TRARG1: variants seen among roughly 807,000 people sequenced by gnomAD.
The protein encoded by TRARG1 is trafficking regulator of GLUT4 1.
Under a neutral mutation model 13.3 loss-of-function variants are expected in TRARG1, and 16 were observed. That is an observed-to-expected ratio of 1.20 (90% CI 0.81 to 1.83). The LOEUF is 1.83. TRARG1 is among the 40% of genes most tolerant of loss of function. The pLI, the probability that TRARG1 is intolerant of heterozygous loss-of-function variation, is 0.00. For missense variants in TRARG1, 250 were observed against 237.4 expected (o/e 1.05, Z -0.35); for synonymous variants, 113 against 106.2 (o/e 1.06, Z -0.39).
At position 1,282,224 on chromosome 17, in the gene TRARG1, G is replaced by GCA. The variant is rs1567928189; in HGVS notation, c.387+1837_387+1838insAC. Among the ~76,000 whole-genome samples the GCA allele has an allele frequency of 2.0e-3, 235 of 115,452 alleles. 9 individuals are homozygous for GCA. The highest frequency in any genetic ancestry group is 6.9e-3 in the East Asian group (24 of 3,470). The allele number at this position is 115,452 out of a possible 152,430, so 75.7% of individuals were successfully genotyped here. The stretch of plus-strand genomic sequence containing the variant: ...CGTGCGTATATGTACGTATACACGT[G>GCA]CGTATATGTACGTATATGCACGTAT... On this transcript the variant is annotated intron_variant, in intron 1 of 2. Transcript: ENST00000333813.
intron 2 of TRARG1, 107 bp from the exon 3 acceptor site, chr17:1,298,144 T>C (rs2072125898): frequency 2.1e-6 from 3 of 1,399,374 alleles, no homozygotes; most frequent in Admixed American, 1.8e-5. Flanking sequence ...CCCTTATCCC[T>C]ATTACCACTT....
intron 1 of TRARG1, among the ~76,000 whole-genome samples, chr17:1,290,309 G>C (rs1192965744): frequency 6.6e-6 from 1 of 152,046 alleles, no homozygotes. Context: ...TTGTTGTTTT[G>C]TTTTGAGATG....
chr17:1,286,375 GT>G (rs2072020068), intron 1 of TRARG1, among the ~76,000 whole-genome samples: 1 of 136,066 alleles, frequency 7.3e-6, no homozygotes, highest in Admixed American at 8.0e-5. Context: ...GGCCTGTGAG[GT>G]GTTATCGGCC....
At position 1,293,440 on chromosome 17, in the gene TRARG1, AGTTTGATGATGTCGTGGGTTGG is replaced by A. The variant is rs1009164755; in HGVS notation, c.388-2029_388-2008del. Among the ~76,000 whole-genome samples the A allele has an allele frequency of 1.5e-4, 23 of 151,638 alleles. 1 individual carries two copies. Among genetic ancestry groups the A allele is most frequent in the Admixed American group, 2.0e-4 (3 of 15,216 alleles). On this transcript the variant is annotated intron_variant, in intron 1 of 2. Coordinates refer to ENST00000333813, the MANE Select transcript of TRARG1 (RefSeq NM_172367.3). The stretch of plus-strand genomic sequence containing the variant: ...TTGGGTTTGATGATGTCACGAGTTG[AGTTTGATGATGTCGTGGGTTGG>A]GTTTGATGATGTCGTGGGTTGAGTT...
intron 1 of TRARG1, among the ~76,000 whole-genome samples, chr17:1,290,661 G>A (rs540606482): frequency 2.0e-5 from 3 of 152,158 alleles, no homozygotes; most frequent in African/African-American, 7.2e-5. Context: ...CCCACATCAT[G>A]GTCTGTGCTC....
chr17:1,280,927 C>A (rs79996046), intron 1 of TRARG1, among the ~76,000 whole-genome samples: 1 of 152,152 alleles, frequency 6.6e-6, no homozygotes, highest in African/African-American at 2.4e-5. Context: ...GAGGGGCGCA[C>A]AAAGCGGGGA....
chr17:1,281,450 C>T (rs1042731684), intron 1 of TRARG1, among the ~76,000 whole-genome samples: 5 of 152,242 alleles, frequency 3.3e-5, no homozygotes, highest in Admixed American at 3.3e-4. Flanking sequence ...GAGAAAGCTC[C>T]TATTTCTTCA....
At chr17:1,282,079 T>C (rs11281949) in intron 1 of TRARG1, among the ~76,000 whole-genome samples, 424 of 44,820 alleles carry the variant, frequency 9.5e-3, no homozygotes, top group African/African-American at 0.033. Flanking sequence ...CATATATACA[T>C]ATATGTACAT....
At chr17:1,281,616 G>A (rs1016202370) in intron 1 of TRARG1, among the ~76,000 whole-genome samples, 2 of 152,188 alleles carry the variant, frequency 1.3e-5, no homozygotes, top group Non-Finnish European at 2.9e-5. Context: ...GGGCCGGGCA[G>A]GGGCCTTCCG....
chr17:1,281,646 T>C (rs2071973218), intron 1 of TRARG1, among the ~76,000 whole-genome samples: 1 of 152,108 alleles, frequency 6.6e-6, no homozygotes, highest in African/African-American at 2.4e-5. Flanking sequence ...CTGTGATGCC[T>C]GCTGTACCTG....
intron 1 of TRARG1, among the ~76,000 whole-genome samples, chr17:1,288,424 T>C (rs1281400570): frequency 1.8e-4 from 8 of 44,994 alleles, no homozygotes; most frequent in Admixed American, 3.5e-4. Context: ...CACAGGTTCC[T>C]CATCCCCCAC....
At chr17:1,282,074 A>ATACATATATG (rs1555630785) in intron 1 of TRARG1, among the ~76,000 whole-genome samples, 3 of 147,244 alleles carry the variant, frequency 2.0e-5, no homozygotes, top group East Asian at 2.0e-4. Flanking sequence ...ATACACATAT[A>ATACATATATG]TACATATATG....
At chr17:1,289,973 C>T (rs747793735) in intron 1 of TRARG1, among the ~76,000 whole-genome samples, 1 of 151,922 alleles carries the variant, frequency 6.6e-6, no homozygotes, top group African/African-American at 2.4e-5. Flanking sequence ...ACCCCGGAAT[C>T]GTCTGAATCA....
Position 1,282,191 on chromosome 17 carries a change from C to T in TRARG1, c.387+1803C>T, listed in dbSNP as rs1220282521. Among the ~76,000 whole-genome samples, 4 of 141,838 alleles carry T rather than the reference C, an allele frequency of 2.8e-5. No homozygotes were observed. In the East Asian group the frequency reaches 8.2e-4, roughly 29 times the overall value. The allele number at this position is 141,838 out of a possible 152,430, so 93.1% of individuals were successfully genotyped here. ...GTACGTATACACGTGCGTATATGTA[C>T]GTGTACACGTGCGTATATGTACGTA... is the stretch of plus-strand genomic sequence containing the variant. On this transcript the variant is annotated intron_variant, in intron 1 of 2. Transcript: ENST00000333813.
chr17:1,295,669 T>A (rs2072106587), intron 2 of TRARG1, 46 bp downstream of exon 2: 6 of 1,582,196 alleles, frequency 3.8e-6, no homozygotes, highest in Non-Finnish European at 5.1e-6. Context: ...TTGCCTGGTG[T>A]GAGGACTGCT....
chr17:1,290,848 G>C (rs928113200), intron 1 of TRARG1, among the ~76,000 whole-genome samples: 2 of 151,574 alleles, frequency 1.3e-5, no homozygotes, highest in African/African-American at 4.9e-5. Context: ...CATGGGGGTG[G>C]TTACCCCCAC....
chr17:1,283,245 C>T (rs923646507), intron 1 of TRARG1, among the ~76,000 whole-genome samples: 5 of 152,082 alleles, frequency 3.3e-5, no homozygotes, highest in African/African-American at 9.7e-5. Flanking sequence ...AATGCCTGCA[C>T]GAGAGAGCCG....
chr17:1,295,483 C>G lies in TRARG1; in HGVS notation c.388-8C>G. 1.3e-6 allele frequency: 2 copies of G among 1,599,662 alleles called. No individual in the cohort carries two copies. The highest frequency in any genetic ancestry group is 8.5e-7 in the Non-Finnish European group (1 of 1,173,548). ...GGTTCCCGGGGTCTCTCTGTGCTCT[C>G]TCCGCAGTCTCGAAGCAGCATGCAA... On this transcript the variant is annotated splice_polypyrimidine_tract_variant and splice_region_variant and intron_variant, in intron 1 of 2. Coordinates refer to ENST00000333813, the MANE Select transcript of TRARG1 (RefSeq NM_172367.3).
At chr17:1,285,878 A>G (rs1440985508) in intron 1 of TRARG1, among the ~76,000 whole-genome samples, 1 of 152,118 alleles carries the variant, frequency 6.6e-6, no homozygotes, top group Non-Finnish European at 1.5e-5. Context: ...GTGGAAGGAA[A>G]TCTTGGAAAG....
Sources: gnomAD v4.1 joint callset for allele counts (sites outside exome capture counted in the v4.1 genomes callset) on GRCh38, gnomAD v4.1.1 for gene constraint, MANE v1.5 for transcripts, NCBI Gene and HGNC (gene_info 2026-07-23, HGNC 2026-07-21) for gene names.